The following ATRNL1 variants were observed in gnomAD, a reference collection of about 807,000 sequenced individuals.
ATRNL1 encodes the protein attractin-like protein 1.
In ATRNL1, 95 loss-of-function variants were observed where a neutral mutation model predicts 182.7. The ratio of observed to expected loss-of-function variants is 0.52; its 90% CI spans 0.44 to 0.62. The LOEUF (loss-of-function observed/expected upper bound fraction) is 0.62, where lower values mean the gene tolerates loss of function less well. ATRNL1 is among the 20% of genes least tolerant of loss of function. The pLI is 0.00. For missense variants in ATRNL1, 1,471 were observed against 1,679.5 expected (o/e 0.88, Z 2.17); for synonymous variants, 576 against 568.3 (o/e 1.01, Z -0.19).
chr10:115,105,995 A>G (rs556240405), intron 1 of ATRNL1, among the ~76,000 whole-genome samples: 2 of 152,308 alleles, frequency 1.3e-5, no homozygotes, highest in Admixed American at 6.5e-5. Flanking sequence ...TGCAGACCCC[A>G]GAACAGTAGA....
intron 1 of ATRNL1, among the ~76,000 whole-genome samples, chr10:115,113,713 A>G (rs1304674425): frequency 6.6e-6 from 1 of 151,896 alleles, no homozygotes; most frequent in Non-Finnish European, 1.5e-5. Flanking sequence ...AGTCCATTAA[A>G]CCTCTTTCTT....
intron 26 of ATRNL1, among the ~76,000 whole-genome samples, chr10:115,695,314 C>T (rs139614183): frequency 1.5e-3 from 224 of 152,040 alleles, no homozygotes; most frequent in African/African-American, 4.5e-3. Context: ...ATTTAAACAA[C>T]GCTGGAATTC....
chr10:115,176,302 T>G (rs1031058879), intron 8 of ATRNL1, among the ~76,000 whole-genome samples: 4 of 152,176 alleles, frequency 2.6e-5, no homozygotes, highest in Admixed American at 6.6e-5. Context: ...AGAAGCTCTT[T>G]AGTTTAATTA....
intron 10 of ATRNL1, among the ~76,000 whole-genome samples, chr10:115,257,014 G>T (rs544449837): frequency 6.6e-6 from 1 of 152,254 alleles, no homozygotes; most frequent in Non-Finnish European, 1.5e-5. Flanking sequence ...TGTGATTTCT[G>T]TTCTTTTACA....
chr10:115,253,178 G>A (rs1850955235), intron 10 of ATRNL1, among the ~76,000 whole-genome samples: 1 of 152,314 alleles, frequency 6.6e-6, no homozygotes, highest in Admixed American at 6.5e-5. Context: ...GAGGTAGGGG[G>A]ATGATGCAGA....
intron 9 of ATRNL1, among the ~76,000 whole-genome samples, chr10:115,216,220 G>A (rs576004334): frequency 6.6e-6 from 1 of 152,114 alleles, no homozygotes; most frequent in Non-Finnish European, 1.5e-5. Flanking sequence ...TGCACTTCTT[G>A]CACTGATCTT....
intron 18 of ATRNL1, among the ~76,000 whole-genome samples, 155 bp downstream of exon 18, chr10:115,315,891 A>T (rs1350640869): frequency 1.3e-5 from 2 of 152,228 alleles, no homozygotes; most frequent in African/African-American, 4.8e-5. Context: ...CATAGACTAT[A>T]TCTATCTCAG....
rs781933015 is a variant in ATRNL1, at chr10:115,315,501, A to G, written c.2819-17A>G. ...TATAGTCATGTTAACATATTTGTCA[A>G]TGTTCCTGTCACGCAGCTCAAAATT... On this transcript the variant is annotated splice_polypyrimidine_tract_variant and intron_variant, in intron 17 of 28. Coordinates refer to ENST00000355044, the MANE Select transcript of ATRNL1 (RefSeq NM_207303.4). 4 of 1,572,190 alleles carry G rather than the reference A, an allele frequency of 2.5e-6. No individual in the cohort carries two copies. Among genetic ancestry groups the G allele is most frequent in the Non-Finnish European group, 2.6e-6 (3 of 1,146,010 alleles).
At position 115,947,134 on chromosome 10, in the gene ATRNL1, T is replaced by A. The variant is rs1953892650; in HGVS notation, c.*2355T>A. The stretch of plus-strand genomic sequence containing the variant: ...TTCTCAACGTATCAAAGCTTTTCAC[T>A]GGCAGTAAATTCTTTGCCCTCAGGT... On this transcript the variant is annotated 3_prime_UTR_variant, in exon 29 of 29. Transcript: ENST00000355044. 6.6e-6 allele frequency: 1 copy of A among 152,642 alleles called. No individual in the cohort carries two copies. Among genetic ancestry groups the A allele is most frequent in the Non-Finnish European group, 1.5e-5 (1 of 68,046 alleles). 9.5% of individuals were successfully genotyped at this position (152,642 alleles called of 1,614,324 possible). A position where few individuals can be genotyped will look rare whatever the true frequency, so the allele number is the denominator to read the frequency against.
At chr10:115,182,534 G>T (rs967788320) in intron 8 of ATRNL1, among the ~76,000 whole-genome samples, 1 of 151,520 alleles carries the variant, frequency 6.6e-6, no homozygotes, top group African/African-American at 2.4e-5. Flanking sequence ...ATGGGAATGG[G>T]ATTAACTTGT....
At chr10:115,521,204 G>A (rs34937193) in intron 25 of ATRNL1, among the ~76,000 whole-genome samples, 2,302 of 73,586 alleles carry the variant, frequency 0.031, 56 homozygotes, top group African/African-American at 0.13. Flanking sequence ...CACCCAGGCT[G>A]GAGCAGTGGC....
At chr10:115,708,461 A>G (rs1946965745) in intron 26 of ATRNL1, among the ~76,000 whole-genome samples, 1 of 151,730 alleles carries the variant, frequency 6.6e-6, no homozygotes, top group Non-Finnish European at 1.5e-5. Context: ...CAAAATCTAT[A>G]TACGTTGATA....
chr10:115,605,080 A>G (rs1856805556), intron 26 of ATRNL1, among the ~76,000 whole-genome samples: 1 of 152,188 alleles, frequency 6.6e-6, no homozygotes, highest in Admixed American at 6.5e-5. Context: ...CTGATTATGC[A>G]TAACAACTAC....
chr10:115,101,767 C>T (rs1843778313), intron 1 of ATRNL1, among the ~76,000 whole-genome samples: 1 of 152,116 alleles, frequency 6.6e-6, no homozygotes, highest in Non-Finnish European at 1.5e-5. Context: ...AGGGAATTGG[C>T]ATTATTTCTT....
intron 27 of ATRNL1, among the ~76,000 whole-genome samples, chr10:115,829,870 A>G (rs909252623): frequency 2.0e-5 from 3 of 152,210 alleles, no homozygotes; most frequent in Admixed American, 6.5e-5. Context: ...GCCACCTTTT[A>G]GCCCCACTCT....
intron 9 of ATRNL1, among the ~76,000 whole-genome samples, chr10:115,231,937 T>G (rs1181407249): frequency 6.6e-6 from 1 of 152,084 alleles, no homozygotes; most frequent in South Asian, 2.1e-4. Context: ...GTTAGGGAAG[T>G]GTAGTAGGAT....
chr10:115,884,269 A>G (rs187318409), intron 28 of ATRNL1, among the ~76,000 whole-genome samples: 36 of 152,268 alleles, frequency 2.4e-4, no homozygotes, highest in African/African-American at 8.2e-4. Context: ...ATTTTCAAGG[A>G]TGGGAGATAT....
chr10:115,097,163 A>G (rs1762398), intron 1 of ATRNL1, among the ~76,000 whole-genome samples: 1 of 152,078 alleles, frequency 6.6e-6, no homozygotes, highest in Non-Finnish European at 1.5e-5. Context: ...AGGTTAGTCA[A>G]ATTTGGATAC....
intron 25 of ATRNL1, among the ~76,000 whole-genome samples, chr10:115,521,767 C>A (rs1850948594): frequency 6.6e-6 from 1 of 152,076 alleles, no homozygotes; most frequent in African/African-American, 2.4e-5. Flanking sequence ...CATTTAAATT[C>A]TTCCAGTAGT....
Sources: allele counts gnomAD v4.1 joint callset (sites outside exome capture counted in the v4.1 genomes callset), GRCh38; gene constraint gnomAD v4.1.1; transcripts MANE v1.5; gene names NCBI Gene and HGNC (gene_info 2026-07-23, HGNC 2026-07-21).